The following FAM53A variants were observed in gnomAD, a reference collection of about 807,000 sequenced individuals.
FAM53A encodes family with sequence similarity 53 member A, also known as protein FAM53A.
A neutral mutation model predicts 26.6 loss-of-function variants in FAM53A; 28 were observed. The ratio of observed to expected loss-of-function variants is 1.05; its 90% CI spans 0.78 to 1.45. FAM53A has a LOEUF of 1.45. Among genes scored for constraint, FAM53A ranks in the 40% most tolerant of loss-of-function variants. FAM53A has a pLI of 0.00. For missense variants in FAM53A, 650 were observed against 575.8 expected, an observed-to-expected ratio of 1.13 and a Z score of -1.32; for synonymous variants, 290 against 253.1, an observed-to-expected ratio of 1.15 and a Z score of -1.38.
chr4:1,605,426 CA>C, the FAM53A span, among the ~76,000 whole-genome samples: 1 of 152,164 alleles, frequency 6.6e-6, no homozygotes, highest in African/African-American at 2.4e-5. This position sits in a 1 kb window ranked among gnomAD's most constrained non-coding sequence, Gnocchi z 5.7. Flanking sequence ...CCGCCCCCAC[CA>C]AAGGACCCTG....
chr4:1,583,024 A>G, the FAM53A span, among the ~76,000 whole-genome samples: 15 of 152,224 alleles, frequency 9.9e-5, no homozygotes, highest in Non-Finnish European at 1.6e-4. Flanking sequence ...AACCTGGGTG[A>G]TAGGGCAAAC....
intron 4 of FAM53A, among the ~76,000 whole-genome samples, chr4:1,654,532 A>G (rs749631069): frequency 2.6e-5 from 4 of 152,228 alleles, no homozygotes; most frequent in Non-Finnish European, 4.4e-5. Context: ...CAACATGCAC[A>G]CCCACCAGCT....
At chr4:1,602,489 T>C in the FAM53A span, among the ~76,000 whole-genome samples, 1 of 152,226 alleles carries the variant, frequency 6.6e-6, no homozygotes, top group Non-Finnish European at 1.5e-5. Context: ...CGCTGACCTT[T>C]CTGGAATGAC....
the FAM53A span, among the ~76,000 whole-genome samples, chr4:1,578,417 TAGTGCCCGCACCCGGTGTGTAGAAG>T: frequency 0.29 from 43,909 of 151,858 alleles, 6,889 homozygotes; most frequent in Admixed American, 0.38. Flanking sequence ...GTGCGTGCGC[TAGTGCCCGCACCCGGTGTGTAGAAG>T]GGCGCGAGCG....
At chr4:1,673,623 C>A (rs752646779) in intron 1 of FAM53A, among the ~76,000 whole-genome samples, 1 of 152,220 alleles carries the variant, frequency 6.6e-6, no homozygotes, top group African/African-American at 2.4e-5. Context: ...GTCCCAGCTA[C>A]TCAGGAGGCT....
downstream of FAM53A, among the ~76,000 whole-genome samples, chr4:1,617,100 G>A (rs1010216152): frequency 6.6e-6 from 1 of 150,694 alleles, no homozygotes; most frequent in African/African-American, 2.5e-5. Flanking sequence ...TAGCACCACT[G>A]CACTCCAGGC....
the FAM53A span, among the ~76,000 whole-genome samples, chr4:1,609,840 G>A: frequency 4.6e-5 from 7 of 152,066 alleles, no homozygotes; most frequent in Non-Finnish European, 5.9e-5. Context: ...GCAGGCGCCT[G>A]TAATCCCAGC....
chr4:1,662,770 A>T (rs1300610203), intron 2 of FAM53A, among the ~76,000 whole-genome samples: 2 of 152,198 alleles, frequency 1.3e-5, no homozygotes, highest in Non-Finnish European at 2.9e-5. Flanking sequence ...ATGGCCAATG[A>T]GCACATGAAA....
chr4:1,681,760 T>C (rs1243471286), intron 1 of FAM53A, among the ~76,000 whole-genome samples: 1 of 150,626 alleles, frequency 6.6e-6, no homozygotes, highest in African/African-American at 2.4e-5. Flanking sequence ...GCCTCAGCCT[T>C]CCAAAATGCT....
intron 1 of FAM53A, among the ~76,000 whole-genome samples, chr4:1,623,560 C>G (rs1715148144): frequency 4.6e-5 from 7 of 152,216 alleles, no homozygotes; most frequent in Non-Finnish European, 1.0e-4. Context: ...GCCTGGCCGG[C>G]CCCTCCTGCG....
At chr4:1,646,077 G>A (rs372769985) in intron 4 of FAM53A, among the ~76,000 whole-genome samples, 5 of 152,204 alleles carry the variant, frequency 3.3e-5, no homozygotes, top group East Asian at 3.9e-4. Flanking sequence ...GCTGGGGCCT[G>A]GGTCTTGGGC....
At chr4:1,661,697 CTT>C (rs895274121) in intron 2 of FAM53A, among the ~76,000 whole-genome samples, 5 of 152,088 alleles carry the variant, frequency 3.3e-5, no homozygotes, top group South Asian at 2.1e-4. Flanking sequence ...CTCCAACCCT[CTT>C]TGCTGCTCCG....
the FAM53A span, among the ~76,000 whole-genome samples, chr4:1,612,167 A>C: frequency 1.3e-5 from 2 of 152,166 alleles, 1 homozygote; most frequent in South Asian, 4.2e-4. Flanking sequence ...GATTGAAATG[A>C]GATTTCCTCT....
chr4:1,585,281 T>C, the FAM53A span, among the ~76,000 whole-genome samples: 2 of 84,670 alleles, frequency 2.4e-5, no homozygotes, highest in African/African-American at 1.1e-4. Flanking sequence ...TCTCTCTTTT[T>C]TTTTTTTTTT....
intron 1 of FAM53A, among the ~76,000 whole-genome samples, chr4:1,634,022 C>G: frequency 6.6e-6 from 1 of 152,056 alleles, no homozygotes; most frequent in South Asian, 2.1e-4. Flanking sequence ...GGAGGACCAG[C>G]AGAACACCAG....
Position 1,653,417 on chromosome 4 carries a change from C to T in FAM53A, c.882+1561G>A, listed in dbSNP as rs761655919. On this transcript the variant is annotated intron_variant, in intron 4 of 4. Transcript: ENST00000308132. Reference sequence around the variant, plus strand: ...TAGGACTGTTGTCTGGTCATCAATACGTCGCTGGCACCATCATTCCCCGCC... The same window carrying T: ...TAGGACTGTTGTCTGGTCATCAATATGTCGCTGGCACCATCATTCCCCGCC... 5.3e-5 allele frequency among the ~76,000 whole-genome samples: 8 copies of T among 152,314 alleles called. No individual in the cohort carries two copies. In the East Asian group the frequency reaches 7.7e-4, roughly 15 times the overall value.
At chr4:1,664,652 A>C (rs1714095515) in intron 2 of FAM53A, among the ~76,000 whole-genome samples, 1 of 152,190 alleles carries the variant, frequency 6.6e-6, no homozygotes, top group Non-Finnish European at 1.5e-5. Flanking sequence ...GGTTTCCTCA[A>C]CACAGGCAAT....
At chr4:1,580,396 T>C in the FAM53A span, 2 of 152,364 alleles carry the variant, frequency 1.3e-5, no homozygotes, top group Non-Finnish European at 2.9e-5. Flanking sequence ...AGAAAAGATC[T>C]GCAGGGATGT....
intron 4 of FAM53A, among the ~76,000 whole-genome samples, chr4:1,642,472 A>G (rs898546665): frequency 1.3e-5 from 2 of 149,178 alleles, no homozygotes; most frequent in South Asian, 4.2e-4. Context: ...CTCCCTTCCC[A>G]AGGCCTGTTA....
Sources: gnomAD v4.1 joint callset for allele counts (sites outside exome capture counted in the v4.1 genomes callset) on GRCh38, gnomAD v4.1.1 for gene constraint, Gnocchi (gnomAD v3.1) non-coding constraint, MANE v1.5 for transcripts, NCBI Gene and HGNC (gene_info 2026-07-23, HGNC 2026-07-21) for gene names.